WNT9B: variants seen among roughly 807,000 people sequenced by gnomAD.
The protein encoded by WNT9B is protein Wnt-9b.
In WNT9B, 12 loss-of-function variants were observed where a neutral mutation model predicts 30.2. The observed-to-expected ratio is 0.40, with a 90% confidence interval of 0.26 to 0.64. The LOEUF (loss-of-function observed/expected upper bound fraction) is 0.64. Among genes scored for constraint, WNT9B ranks in the 30% least tolerant of loss-of-function variants. The pLI, the probability that WNT9B is intolerant of heterozygous loss-of-function variation, is 0.42. For missense variants in WNT9B, 442 were observed against 485.2 expected (o/e 0.91, Z 0.84); for synonymous variants, 218 against 216.9 (o/e 1.01, Z -0.05).
At chr17:46,857,627 GA>G (rs1433868249) in intron 1 of WNT9B, among the ~76,000 whole-genome samples, 1 of 152,170 alleles carries the variant, frequency 6.6e-6, no homozygotes, top group African/African-American at 2.4e-5. Flanking sequence ...TGTTGGATCA[GA>G]TGGTTGATAT....
At chr17:46,858,681 T>C (rs1483896061) in intron 1 of WNT9B, among the ~76,000 whole-genome samples, 6 of 152,122 alleles carry the variant, frequency 3.9e-5, no homozygotes, top group Non-Finnish European at 7.4e-5. Context: ...TCCAGAACCA[T>C]GTAGGATGGG....
intron 1 of WNT9B, among the ~76,000 whole-genome samples, chr17:46,836,095 C>T (rs1033597278): frequency 4.7e-5 from 6 of 126,434 alleles, no homozygotes; most frequent in Admixed American, 8.1e-5. Context: ...GAGACGCTGA[C>T]GTGTGTGTGT....
chr17:46,865,611 T>C (rs1160804586), intron 1 of WNT9B, among the ~76,000 whole-genome samples: 1 of 151,966 alleles, frequency 6.6e-6, no homozygotes, highest in Non-Finnish European at 1.5e-5. Flanking sequence ...AGCTGATGCT[T>C]AGAAAAGTCC....
At chr17:46,858,604 A>C (rs2084978904) in intron 1 of WNT9B, among the ~76,000 whole-genome samples, 1 of 152,158 alleles carries the variant, frequency 6.6e-6, no homozygotes, top group African/African-American at 2.4e-5. Flanking sequence ...CATAATAACT[A>C]GTATTGCAGT....
upstream of WNT9B, among the ~76,000 whole-genome samples, chr17:46,850,067 C>T (rs945932953): frequency 6.6e-6 from 1 of 152,172 alleles, no homozygotes; most frequent in African/African-American, 2.4e-5. Context: ...CCAGGCTGGT[C>T]TCGAATTCCT....
intron 1 of WNT9B, among the ~76,000 whole-genome samples, chr17:46,834,174 G>A (rs1405950052): frequency 1.3e-5 from 2 of 152,140 alleles, no homozygotes; most frequent in African/African-American, 2.4e-5. Context: ...CAGCCTGGTC[G>A]ATGGAGTGAG....
chr17:46,836,153 C>T (rs113653655), intron 1 of WNT9B, among the ~76,000 whole-genome samples: 1,499 of 112,138 alleles, frequency 0.013, 24 homozygotes, highest in African/African-American at 0.054. Context: ...GTGGTGGTGG[C>T]GGGGCAATTA....
At chr17:46,844,732 G>A (rs752879171) in intron 1 of WNT9B, among the ~76,000 whole-genome samples, 1 of 152,156 alleles carries the variant, frequency 6.6e-6, no homozygotes. Context: ...AAATCTATAG[G>A]ATGTTATTTA....
At position 46,877,730 on chromosome 17, in the gene WNT9B, A is replaced by C. The variant is rs2146615214; in HGVS notation, c.*1012A>C. Among the ~76,000 whole-genome samples, 1 of 152,268 alleles carries C rather than the reference A, an allele frequency of 6.6e-6. No individual in the cohort carries two copies. Among genetic ancestry groups the C allele is most frequent in the Non-Finnish European group, 1.5e-5 (1 of 68,016 alleles). The stretch of plus-strand genomic sequence containing the variant: ...GTCTGTGACACCCCCATACCAGCTG[A>C]GTTCACAATACTGAAGAACAGCTGG... On this transcript the variant is annotated 3_prime_UTR_variant, in exon 4 of 4. Coordinates refer to ENST00000290015, the MANE Select transcript of WNT9B (RefSeq NM_003396.3).
rs1459226641 is a variant in WNT9B, at chr17:46,878,591, C to T, written c.*1873C>T. Among the ~76,000 whole-genome samples, 1 of 152,196 alleles carries T rather than the reference C, an allele frequency of 6.6e-6. No individual in the cohort carries two copies. Among genetic ancestry groups the T allele is most frequent in the Non-Finnish European group, 1.5e-5 (1 of 68,034 alleles). On this transcript the variant is annotated 3_prime_UTR_variant, in exon 4 of 4. Transcript: ENST00000290015. ...GCTGGTTTTCTCCTTTCTTCCACTT[C>T]CCCACAGCATGGAGATTTTCTCTGC...
chr17:46,858,175 C>T (rs371031726), intron 1 of WNT9B, among the ~76,000 whole-genome samples: 17 of 152,278 alleles, frequency 1.1e-4, no homozygotes, highest in Middle Eastern at 6.8e-3. Context: ...TGTGATCCAC[C>T]CACCTCGGCC....
At chr17:46,839,922 TTCTTTCTTTCTTTCTTTC>T (rs1380724986) in intron 1 of WNT9B, among the ~76,000 whole-genome samples, 2 of 103,308 alleles carry the variant, frequency 1.9e-5, no homozygotes, top group East Asian at 5.3e-4. Context: ...TTTTCTTTCT[TTCTTTCTTTCTTTCTTTC>T]TTTCTTTCTT....
chr17:46,848,630 A>C (rs1009300980), upstream of WNT9B, among the ~76,000 whole-genome samples: 13 of 152,222 alleles, frequency 8.5e-5, no homozygotes, highest in African/African-American at 3.1e-4. Flanking sequence ...ATGGACACTT[A>C]GGAGGTACAC....
At chr17:46,839,832 C>T (rs1037707882) in intron 1 of WNT9B, among the ~76,000 whole-genome samples, 4 of 152,106 alleles carry the variant, frequency 2.6e-5, no homozygotes, top group African/African-American at 7.2e-5. Flanking sequence ...CAGCTTCATC[C>T]GTGTCCCTGC....
intron 1 of WNT9B, among the ~76,000 whole-genome samples, chr17:46,852,102 G>T (rs2084858607): frequency 6.6e-6 from 1 of 152,228 alleles, no homozygotes; most frequent in South Asian, 2.1e-4. Context: ...CCTGTCTGCC[G>T]CCATCCTGGC....
intron 1 of WNT9B, among the ~76,000 whole-genome samples, chr17:46,868,369 A>G (rs2085176877): frequency 1.3e-5 from 2 of 152,184 alleles, no homozygotes; most frequent in Non-Finnish European, 2.9e-5. Flanking sequence ...AGGTGGGCGG[A>G]TCACATGAGG....
chr17:46,839,834 T>C (rs905829027), intron 1 of WNT9B, among the ~76,000 whole-genome samples: 2 of 152,226 alleles, frequency 1.3e-5, no homozygotes, highest in African/African-American at 4.8e-5. Flanking sequence ...GCTTCATCCG[T>C]GTCCCTGCAA....
At chr17:46,846,145 T>C (rs2084773875) in intron 1 of WNT9B, among the ~76,000 whole-genome samples, 1 of 152,212 alleles carries the variant, frequency 6.6e-6, no homozygotes, top group Non-Finnish European at 1.5e-5. Flanking sequence ...TACCTATAAC[T>C]ACTAGACAGA....
At chr17:46,854,844 G>A (rs979212048) in intron 1 of WNT9B, among the ~76,000 whole-genome samples, 4 of 152,050 alleles carry the variant, frequency 2.6e-5, no homozygotes, top group African/African-American at 4.8e-5. Flanking sequence ...ATTTTTAATA[G>A]AGATGGGGTT....
Sources: gnomAD v4.1 joint callset for allele counts (sites outside exome capture counted in the v4.1 genomes callset) on GRCh38, gnomAD v4.1.1 for gene constraint, MANE v1.5 for transcripts, NCBI Gene and HGNC (gene_info 2026-07-23, HGNC 2026-07-21) for gene names.